Variants in ATP7A observed in about 807,000 individuals in gnomAD.
The protein encoded by ATP7A is copper-transporting ATPase 1.
Under a neutral mutation model 83.5 loss-of-function variants are expected in ATP7A, and 7 were observed. That is an observed-to-expected ratio of 0.08 (90% CI 0.05 to 0.16). ATP7A has a LOEUF of 0.16. Ranked by LOEUF, ATP7A falls within the 10% of genes least tolerant of loss-of-function variation. The pLI is 1.00. For missense variants in ATP7A, 940 were observed against 1,120.8 expected (o/e 0.84, Z 2.30); for synonymous variants, 354 against 395.2 (o/e 0.90, Z 1.24).
intron 10 of ATP7A, among the ~76,000 whole-genome samples, 191 bp from the exon 11 acceptor site, chrX:78,014,471 T>C (rs1557234902): frequency 9.0e-6 from 1 of 111,514 alleles, no homozygotes; most frequent in African/African-American, 3.3e-5. Context: ...AAGTGAAACA[T>C]TTTCTAGTGA....
At position 78,024,590 on chromosome X, in the gene ATP7A, G is replaced by A. The variant is rs140452351; in HGVS notation, c.2916+3511G>A. 6.8e-3 allele frequency among the ~76,000 whole-genome samples: 763 copies of A among 111,657 alleles called. 3 individuals are homozygous for A. Among genetic ancestry groups the A allele is most frequent in the Middle Eastern group, 0.023 (5 of 216 alleles). ...CGTGCCGCTTGGGTTTTTTCCAAGG[G>A]CGAGGCTCAACTCCCTCTCCCGACA... On this transcript the variant is annotated intron_variant, in intron 14 of 22. Transcript: ENST00000341514.
In ATP7A at chrX:78,011,541, C is replaced by T. The variant is rs782455461; in HGVS notation, c.2039C>T (p.Thr680Ile). Residue 680 changes from threonine to isoleucine, a missense_variant, in exon 9 of 23, where the codon ACT (threonine) becomes ATT (isoleucine). Thr to Ile is a moderately conservative substitution (Grantham distance 89). This residue lies in a region of ATP7A where 204 missense variants were observed against 185.8 expected (regional missense o/e 1.10). Coordinates refer to ENST00000341514, the MANE Select transcript of ATP7A (RefSeq NM_000052.7). Reference sequence around the variant, plus strand: ...ATGGTTATGGACCACCACTTTGCAACTCTTCACCATAATCAAAACATGAGT... The same window carrying T: ...ATGGTTATGGACCACCACTTTGCAATTCTTCACCATAATCAAAACATGAGT... ...YMMVMDHHFA[T>I]LHHNQNMSKE... 20 of 1,208,675 alleles carry T rather than the reference C, an allele frequency of 1.7e-5. No homozygotes were observed. Among genetic ancestry groups the T allele is most frequent in the Admixed American group, 2.2e-5 (1 of 45,588 alleles).
rs972117739 is a variant in ATP7A at position 78,048,081 on chromosome X, A to G, written c.*1511A>G. 7 of 111,521 alleles carry G rather than the reference A, an allele frequency of 6.3e-5. No individual in the cohort carries two copies. Among genetic ancestry groups the G allele is most frequent in the Non-Finnish European group, 9.4e-5 (5 of 53,096 alleles). The allele number at this position is 111,521 out of a possible 1,213,427, so 9.2% of individuals were successfully genotyped here. On this transcript the variant is annotated 3_prime_UTR_variant, in exon 23 of 23. Transcript: ENST00000341514. ...TATGACGCTTTTTAGCTAAATATAT[A>G]CTCTTCTCTAGTTTAAAACATTTGA...
chrX:77,986,681 C>T (rs2077638607), intron 2 of ATP7A, among the ~76,000 whole-genome samples: 1 of 111,754 alleles, frequency 8.9e-6, no homozygotes, highest in Non-Finnish European at 1.9e-5. Flanking sequence ...GAGGCCCTAC[C>T]CTCCTGAATG....
intron 14 of ATP7A, among the ~76,000 whole-genome samples, chrX:78,022,834 A>G (rs1448415414): frequency 9.0e-6 from 1 of 110,993 alleles, no homozygotes; most frequent in Non-Finnish European, 1.9e-5. Flanking sequence ...TATATTGTTT[A>G]TTACATGGGT....
rs1452191503 is a variant in ATP7A at position 77,948,100 on chromosome X, T to TATTTATTC, written c.-21-23518_-21-23517insTATTCATT. Among the ~76,000 whole-genome samples, 481 of 89,738 alleles carry TATTTATTC rather than the reference T, an allele frequency of 5.4e-3. 4 individuals carry two copies. Among genetic ancestry groups the TATTTATTC allele is most frequent in the African/African-American group, 0.017 (375 of 22,114 alleles). The allele number at this position is 89,738 out of a possible 115,157, so 77.9% of individuals were successfully genotyped here. On this transcript the variant is annotated intron_variant, in intron 1 of 22. Coordinates refer to ENST00000341514, the MANE Select transcript of ATP7A (RefSeq NM_000052.7). Reference sequence around the variant, plus strand: ...TTATTTATTTATTTATTTATTTATTTATTCATTCATTCATTCATTCATTCG... The same window carrying TATTTATTC: ...TTATTTATTTATTTATTTATTTATTTATTTATTCATTCATTCATTCATTCATTCATTCG...
Position 78,031,439 on chromosome X carries a change from C to T in ATP7A, c.3151C>T (p.His1051Tyr). ...VVFDKTGTIT[H>Y]GTPVVNQVKV... ...ATTTGATAAGACTGGAACCATTACT[C>T]ACGGAACCCCAGTGGTGAATCAAGT... Residue 1051 changes from histidine to tyrosine, a missense_variant, in exon 16 of 23, where the codon CAC becomes TAC. Around this residue, in one of 3 missense-constraint regions of ATP7A, gnomAD observed 386 missense variants for 502.2 expected, o/e 0.77. Transcript: ENST00000341514. The T allele has an allele frequency of 2.5e-6, 3 of 1,210,784 alleles. No homozygotes were observed. The highest frequency in any genetic ancestry group is 3.4e-6 in the Non-Finnish European group (3 of 894,743).
chrX:77,942,235 A>G (rs1299929614), intron 1 of ATP7A, among the ~76,000 whole-genome samples: 1 of 112,408 alleles, frequency 8.9e-6, no homozygotes, highest in Non-Finnish European at 1.9e-5. Context: ...CAAAATCTTC[A>G]TTTAACATAC....
chrX:77,997,215 C>G (rs782791695), intron 4 of ATP7A, among the ~76,000 whole-genome samples: 6 of 112,277 alleles, frequency 5.3e-5, no homozygotes, highest in Non-Finnish European at 9.4e-5. Flanking sequence ...TTGCTATACT[C>G]AGACCTAGGC....
At chrX:78,020,495 A>G in intron 13 of ATP7A, 97 bp downstream of exon 13, 1 of 1,029,614 alleles carries the variant, frequency 9.7e-7, no homozygotes. Flanking sequence ...TAAAAATTTT[A>G]GTTGCATTAA....
At chrX:78,035,233 T>C (rs34609346) in intron 17 of ATP7A, among the ~76,000 whole-genome samples, 49,548 of 110,353 alleles carry the variant, frequency 0.45, 10,784 homozygotes, top group African/African-American at 0.86. Flanking sequence ...TATCTTTAGC[T>C]AAGTCCTGTT....
chrX:77,912,731 GA>G (rs1339483730), intron 1 of ATP7A, among the ~76,000 whole-genome samples: 2 of 112,284 alleles, frequency 1.8e-5, no homozygotes, highest in Non-Finnish European at 3.8e-5. Flanking sequence ...TGTTGGGAAT[GA>G]ATAACATTTT....
At chrX:77,927,640 AT>A (rs781961378) in intron 1 of ATP7A, among the ~76,000 whole-genome samples, 5 of 110,809 alleles carry the variant, frequency 4.5e-5, no homozygotes, top group Admixed American at 9.6e-5. Context: ...AAAGGTATGC[AT>A]TTTTTTTATT....
At chrX:77,972,051 C>T (rs782520153) in intron 2 of ATP7A, among the ~76,000 whole-genome samples, 89 of 111,717 alleles carry the variant, frequency 8.0e-4, no homozygotes, top group Non-Finnish European at 1.4e-3. Context: ...CTGTTTATTA[C>T]TCTGAATCTC....
chrX:77,928,407 C>T (rs200527758), intron 1 of ATP7A, among the ~76,000 whole-genome samples: 1 of 16,161 alleles, frequency 6.2e-5, no homozygotes, highest in Non-Finnish European at 1.5e-4. Flanking sequence ...AACACACATA[C>T]ACACACACAC....
chrX:77,998,016 C>T (rs1557232721), intron 4 of ATP7A, among the ~76,000 whole-genome samples: 2 of 109,703 alleles, frequency 1.8e-5, no homozygotes, highest in Middle Eastern at 4.7e-3. Context: ...CTTTCTTATG[C>T]ATGTTCTCAT....
chrX:77,928,002 G>T (rs2077251689), intron 1 of ATP7A, among the ~76,000 whole-genome samples: 2 of 110,530 alleles, frequency 1.8e-5, no homozygotes, highest in African/African-American at 6.6e-5. Context: ...TTGAGACGGG[G>T]TCTCACTCTG....
chrX:77,935,983 G>T (rs1279507463), intron 1 of ATP7A, among the ~76,000 whole-genome samples: 1 of 112,680 alleles, frequency 8.9e-6, no homozygotes, highest in Non-Finnish European at 1.9e-5. Flanking sequence ...ACAGTATGGA[G>T]CAGTGGCCCA....
chrX:77,940,461 T>C (rs2077345717), intron 1 of ATP7A, among the ~76,000 whole-genome samples: 1 of 111,266 alleles, frequency 9.0e-6, no homozygotes, highest in South Asian at 3.7e-4. Flanking sequence ...AAAGTTAGTT[T>C]CTTATGTTAT....
Sources: gnomAD v4.1 joint callset for allele counts (sites outside exome capture counted in the v4.1 genomes callset) on GRCh38, gnomAD v4.1.1 for gene constraint, gnomAD v4.1.1 regional missense constraint, MANE v1.5 for transcripts, NCBI Gene and HGNC (gene_info 2026-07-23, HGNC 2026-07-21) for gene names.